Variants in SCHIP1 observed in about 807,000 individuals in gnomAD.
SCHIP1 encodes schwannomin interacting protein 1.
SCHIP1 carries 8 observed loss-of-function variants against 29.7 expected under a neutral mutation model. The observed-to-expected ratio is 0.27, with a 90% CI of 0.16 to 0.49. SCHIP1 has a LOEUF of 0.49. SCHIP1 is among the 20% of genes least tolerant of loss of function. The pLI is 0.99. For synonymous variants in SCHIP1, 76 were observed against 94.9 expected (o/e 0.80, Z 1.16); for missense variants, 193 against 294.6 (o/e 0.66, Z 2.52).
At chr3:159,603,701 T>C in the SCHIP1 span, among the ~76,000 whole-genome samples, 1 of 152,202 alleles carries the variant, frequency 6.6e-6, no homozygotes, top group African/African-American at 2.4e-5. Flanking sequence ...CCAATACCTA[T>C]AGTCTTAAGT....
chr3:159,682,153 C>G, the SCHIP1 span, among the ~76,000 whole-genome samples: 3 of 152,122 alleles, frequency 2.0e-5, no homozygotes, highest in Non-Finnish European at 4.4e-5. Context: ...ATTACTTATC[C>G]TTTCTGAGGT....
chr3:159,867,977 A>T (rs901181697), intron 2 of SCHIP1, among the ~76,000 whole-genome samples: 26 of 146,868 alleles, frequency 1.8e-4, no homozygotes, highest in African/African-American at 4.3e-4. Context: ...TCAGTGATTT[A>T]TATATATATA....
chr3:159,828,442 T>C, the SCHIP1 span, among the ~76,000 whole-genome samples: 1 of 57,514 alleles, frequency 1.7e-5, no homozygotes, highest in Non-Finnish European at 3.1e-5. Context: ...TATATATACG[T>C]ATATATATAC....
the SCHIP1 span, among the ~76,000 whole-genome samples, chr3:159,512,384 A>G: frequency 1.3e-5 from 2 of 152,250 alleles, no homozygotes; most frequent in South Asian, 4.1e-4. Context: ...ACAATTTGAC[A>G]GTAAAAAGCA....
the SCHIP1 span, among the ~76,000 whole-genome samples, chr3:159,652,803 G>A: frequency 6.6e-6 from 1 of 152,204 alleles, no homozygotes; most frequent in East Asian, 1.9e-4. Context: ...TGACCATTTA[G>A]GACTAGTTTG....
chr3:159,608,317 A>G, the SCHIP1 span, among the ~76,000 whole-genome samples: 1 of 152,238 alleles, frequency 6.6e-6, no homozygotes, highest in Admixed American at 6.5e-5. Context: ...ATATCGCTTA[A>G]TATGTATATT....
intron 1 of SCHIP1, chr3:159,853,171 C>T (rs956821772): frequency 4.7e-6 from 2 of 427,076 alleles, no homozygotes; most frequent in African/African-American, 2.0e-5. Context: ...AGCAGCTGCC[C>T]GGTGCCAGAG....
the SCHIP1 span, among the ~76,000 whole-genome samples, chr3:159,792,210 T>C: frequency 6.6e-6 from 1 of 152,140 alleles, no homozygotes; most frequent in Non-Finnish European, 1.5e-5. Flanking sequence ...AATGAGTCTT[T>C]ATTAGGGGGC....
the SCHIP1 span, among the ~76,000 whole-genome samples, chr3:159,584,179 CA>C: frequency 6.6e-6 from 1 of 152,082 alleles, no homozygotes; most frequent in Non-Finnish European, 1.5e-5. Context: ...TAAAAACAGT[CA>C]AAAAACCCTT....
At chr3:159,436,848 A>G in the SCHIP1 span, among the ~76,000 whole-genome samples, 1 of 152,066 alleles carries the variant, frequency 6.6e-6, no homozygotes, top group Non-Finnish European at 1.5e-5. Context: ...AATATGGTAT[A>G]TACCAGGAGT....
At chr3:159,407,328 A>C in the SCHIP1 span, among the ~76,000 whole-genome samples, 1 of 152,220 alleles carries the variant, frequency 6.6e-6, no homozygotes, top group African/African-American at 2.4e-5. Flanking sequence ...TCAATTCAGC[A>C]AGAGGATATA....
At chr3:159,406,315 A>G in the SCHIP1 span, among the ~76,000 whole-genome samples, 1 of 152,196 alleles carries the variant, frequency 6.6e-6, no homozygotes, top group Non-Finnish European at 1.5e-5. Flanking sequence ...AGGTGGCATG[A>G]CATATTTAAA....
chr3:159,671,838 C>G, the SCHIP1 span, among the ~76,000 whole-genome samples: 2 of 152,136 alleles, frequency 1.3e-5, no homozygotes, highest in Non-Finnish European at 2.9e-5. Flanking sequence ...TATTAAGGAA[C>G]AAAGAGTCTG....
At chr3:159,769,559 G>A in the SCHIP1 span, among the ~76,000 whole-genome samples, 28 of 152,152 alleles carry the variant, frequency 1.8e-4, no homozygotes, top group African/African-American at 6.8e-4. Flanking sequence ...AGACCAGCCT[G>A]GCCAACGTGG....
the SCHIP1 span, among the ~76,000 whole-genome samples, chr3:159,343,687 T>C: frequency 6.6e-6 from 1 of 152,244 alleles, no homozygotes; most frequent in African/African-American, 2.4e-5. Context: ...ATATGTCATC[T>C]GGAAGAGAAA....
At chr3:159,575,483 T>C in the SCHIP1 span, among the ~76,000 whole-genome samples, 3 of 152,284 alleles carry the variant, frequency 2.0e-5, no homozygotes, top group East Asian at 5.8e-4. Context: ...TCACCCAGGC[T>C]GGAGTACAGT....
chr3:159,874,266 A>G (rs899565237), intron 2 of SCHIP1, among the ~76,000 whole-genome samples: 1 of 152,238 alleles, frequency 6.6e-6, no homozygotes, highest in Admixed American at 6.5e-5. Flanking sequence ...GTGACCTGAA[A>G]TAGGCTATAC....
upstream of SCHIP1, among the ~76,000 whole-genome samples, chr3:159,837,508 A>C (rs1007287806): frequency 6.6e-6 from 1 of 152,148 alleles, no homozygotes; most frequent in South Asian, 2.1e-4. Flanking sequence ...GGATCACCCA[A>C]GATCAGGAGT....
At chr3:159,707,544 G>T in the SCHIP1 span, among the ~76,000 whole-genome samples, 1 of 152,118 alleles carries the variant, frequency 6.6e-6, no homozygotes, top group African/African-American at 2.4e-5. Context: ...GGTAGAACAA[G>T]AACATTTTAA....
Sources: allele counts gnomAD v4.1 joint callset (sites outside exome capture counted in the v4.1 genomes callset), GRCh38; gene constraint gnomAD v4.1.1; transcripts MANE v1.5; gene names NCBI Gene and HGNC (gene_info 2026-07-23, HGNC 2026-07-21).